ATRX: variants seen among roughly 807,000 people sequenced by gnomAD.
ATRX encodes the protein ATRX chromatin remodeler.
ATRX carries 12 observed loss-of-function variants against 172.6 expected under a neutral mutation model. The ratio of observed to expected loss-of-function variants is 0.07; its 90% confidence interval spans 0.04 to 0.11. The LOEUF is 0.11. Among genes scored for constraint, ATRX ranks in the 10% least tolerant of loss-of-function variants. The pLI, the probability that ATRX is intolerant of heterozygous loss-of-function variation, is 1.00. For synonymous variants in ATRX, 674 were observed against 594.7 expected (o/e 1.13, Z -1.94); for missense variants, 1,368 against 1,767.4 (o/e 0.77, Z 4.05).
intron 5 of ATRX, among the ~76,000 whole-genome samples, chrX:77,694,274 A>G (rs1156649935): frequency 8.9e-6 from 1 of 112,242 alleles, no homozygotes; most frequent in Non-Finnish European, 1.9e-5. Flanking sequence ...ATGAACATCT[A>G]TGCTAAGTTC....
rs2148637592 is a variant in ATRX, at chrX:77,684,449, G to C, written c.807C>G (p.His269Gln). 3 of 1,211,440 alleles carry C rather than the reference G, an allele frequency of 2.5e-6. No individual in the cohort carries two copies. Among genetic ancestry groups the C allele is most frequent in the Non-Finnish European group, 3.4e-6 (3 of 895,232 alleles). The change falls in exon 9 of 35, where the codon CAC becomes CAG. Residue 269 changes from histidine to glutamine, a missense_variant. Physicochemically the swap from His to Gln is conservative, Grantham distance 24. Coordinates refer to ENST00000373344, the MANE Select transcript of ATRX (RefSeq NM_000489.6). ...ENNQWYCYIC[H>Q]PEPLLDLVTA... is the part of the protein sequence containing the mutation. The stretch of plus-strand genomic sequence containing the variant: ...TGACCAAGTCCAACAAAGGCTCTGG[G>C]TGACAAATGTAGCAATACCATTGGT...
chrX:77,727,851 G>A (rs1299382111), intron 1 of ATRX: 2 of 111,681 alleles, frequency 1.8e-5, no homozygotes, highest in Admixed American at 1.9e-4. Context: ...ATACAAAACT[G>A]AGAGTTTTAA....
intron 1 of ATRX, among the ~76,000 whole-genome samples, chrX:77,745,178 A>G (rs959409429): frequency 7.6e-5 from 8 of 105,959 alleles, no homozygotes; most frequent in Non-Finnish European, 1.6e-4. Flanking sequence ...AAAATGAAAA[A>G]AAAAAAAAAA....
intron 2 of ATRX, among the ~76,000 whole-genome samples, chrX:77,705,729 TA>T (rs2072784546): frequency 1.8e-5 from 2 of 111,984 alleles, no homozygotes; most frequent in African/African-American, 6.5e-5. Context: ...AACAAAGAGT[TA>T]AAATTCATAG....
intron 30 of ATRX, among the ~76,000 whole-genome samples, chrX:77,528,139 A>AC (rs1404742906): frequency 9.3e-6 from 1 of 108,068 alleles, no homozygotes; most frequent in East Asian, 3.0e-4. Context: ...GACAAGGAGC[A>AC]CCCCCTCCTT....
intron 22 of ATRX, among the ~76,000 whole-genome samples, chrX:77,608,267 G>C (rs1442195100): frequency 9.3e-6 from 1 of 107,871 alleles, no homozygotes; most frequent in African/African-American, 3.4e-5. Context: ...TACTTGGGAG[G>C]CTGAGGCAGA....
intron 27 of ATRX, among the ~76,000 whole-genome samples, chrX:77,585,359 A>C (rs2065966926): frequency 9.2e-6 from 1 of 108,844 alleles, no homozygotes; most frequent in East Asian, 2.9e-4. Flanking sequence ...AGATAACCTG[A>C]GGTCAAGAGT....
intron 1 of ATRX, among the ~76,000 whole-genome samples, chrX:77,741,965 A>G (rs2074892819): frequency 9.0e-6 from 1 of 111,613 alleles, no homozygotes; most frequent in Non-Finnish European, 1.9e-5. Context: ...TAACTGTTTT[A>G]TATGGTGCAA....
At chrX:77,617,164 T>C (rs945506455) in intron 21 of ATRX, among the ~76,000 whole-genome samples, 12 of 112,054 alleles carry the variant, frequency 1.1e-4, no homozygotes, top group Non-Finnish European at 2.3e-4. Flanking sequence ...TAGAAAGATA[T>C]GCTAATATGT....
chrX:77,702,908 G>C (rs1042724628), intron 2 of ATRX, among the ~76,000 whole-genome samples: 10 of 111,224 alleles, frequency 9.0e-5, no homozygotes, highest in Non-Finnish European at 9.4e-5. Flanking sequence ...TAAATGTTTT[G>C]TAGAGATGGG....
intron 30 of ATRX, among the ~76,000 whole-genome samples, chrX:77,533,479 T>G (rs1557047206): frequency 8.9e-6 from 1 of 112,025 alleles, no homozygotes; most frequent in African/African-American, 3.2e-5. Flanking sequence ...TCATGTCCTT[T>G]GCAGGGACAT....
At chrX:77,544,145 A>G (rs181499184) in intron 30 of ATRX, among the ~76,000 whole-genome samples, 31 of 111,664 alleles carry the variant, frequency 2.8e-4, no homozygotes, top group Admixed American at 1.8e-3. Context: ...TTGTAATTTA[A>G]AAGATTTCAG....
chrX:77,739,767 G>A (rs1305524038), intron 1 of ATRX, among the ~76,000 whole-genome samples: 1 of 109,395 alleles, frequency 9.1e-6, no homozygotes, highest in Non-Finnish European at 1.9e-5. Context: ...AAGAAAAAAC[G>A]GGCCAGGCAA....
intron 26 of ATRX, among the ~76,000 whole-genome samples, chrX:77,592,143 G>A (rs1468648875): frequency 9.0e-6 from 1 of 111,081 alleles, no homozygotes; most frequent in Non-Finnish European, 1.9e-5. Flanking sequence ...TAGGCGCGGT[G>A]GCTCACACCT....
At chrX:77,644,477 A>T (rs1366443165) in intron 15 of ATRX, among the ~76,000 whole-genome samples, 3 of 112,203 alleles carry the variant, frequency 2.7e-5, no homozygotes, top group Non-Finnish European at 5.6e-5. Flanking sequence ...ATGCAATTTT[A>T]AAAAATCACA....
chrX:77,678,343 C>T (rs1318012653), intron 9 of ATRX, among the ~76,000 whole-genome samples: 2 of 112,000 alleles, frequency 1.8e-5, no homozygotes, highest in Non-Finnish European at 3.8e-5. Flanking sequence ...AGTAACAGTA[C>T]TGTCACTCCC....
chrX:77,590,537 A>G (rs1271823406), intron 26 of ATRX, among the ~76,000 whole-genome samples: 3 of 104,673 alleles, frequency 2.9e-5, no homozygotes, highest in African/African-American at 1.1e-4. Flanking sequence ...GCGTGAACCC[A>G]GGAGGCGGAG....
In ATRX at chrX:77,510,934, G is replaced by A. The variant is rs1175925066; in HGVS notation, c.7201-2305C>T. ...CACCTGATGAATGTGGAGCCTTAGA[G>A]CCTTGAGCAAACAAAGGCGGAGGCC... On this transcript the variant is annotated intron_variant, in intron 34 of 34. Coordinates refer to ENST00000373344, the MANE Select transcript of ATRX (RefSeq NM_000489.6). 3.5e-5 allele frequency among the ~76,000 whole-genome samples: 4 copies of A among 112,701 alleles called. No homozygotes were observed. The Admixed American group carries it at 3.7e-4, about 10-fold the overall frequency.
At chrX:77,709,745 A>G (rs188393787) in intron 2 of ATRX, among the ~76,000 whole-genome samples, 128 of 110,151 alleles carry the variant, frequency 1.2e-3, no homozygotes, top group African/African-American at 4.2e-3. Context: ...TCAGGAGTTC[A>G]TAACAAGCCT....
Sources: allele counts gnomAD v4.1 joint callset (sites outside exome capture counted in the v4.1 genomes callset), GRCh38; gene constraint gnomAD v4.1.1; transcripts MANE v1.5; gene names NCBI Gene and HGNC (gene_info 2026-07-23, HGNC 2026-07-21).